GRID2: variants seen among roughly 807,000 people sequenced by gnomAD.
GRID2 encodes glutamate receptor ionotropic, delta-2.
In GRID2, 33 loss-of-function variants were observed where a neutral mutation model predicts 114.8. That is an observed-to-expected ratio of 0.29 (90% CI 0.22 to 0.38). The LOEUF is 0.38. Among genes scored for constraint, GRID2 ranks in the 10% least tolerant of loss-of-function variants. GRID2 has a pLI of 1.00. For missense variants in GRID2, 1,184 were observed against 1,257.7 expected (o/e 0.94, Z 0.89); for synonymous variants, 505 against 449.9 (o/e 1.12, Z -1.55).
chr4:93,800,579 G>A lies in GRID2; in HGVS notation c.222-6136G>A, dbSNP rs186458984. 2.7e-3 allele frequency among the ~76,000 whole-genome samples: 406 copies of A among 152,230 alleles called. 4 individuals are homozygous for A. The highest frequency in any genetic ancestry group is 0.024 in the Admixed American group (362 of 15,292). ...AGGCCCCCATTAAATGTCCCAGATA[G>A]CATTTTAATGGGTATCATGAATCCT... On this transcript the variant is annotated intron_variant, in intron 1 of 1. Coordinates refer to the GRID2 transcript ENST00000637838.
intron 2 of GRID2, among the ~76,000 whole-genome samples, chr4:92,675,612 A>G (rs6853672): frequency 0.065 from 9,658 of 149,678 alleles, 346 homozygotes; most frequent in East Asian, 0.17. Flanking sequence ...GTGCAGAGGC[A>G]CGATCTTGGC....
rs1561035232 is a variant in GRID2 at position 93,244,478 on chromosome 4, TATTATATAATCTATTAATTAATAG to T, written c.1245+6053_1245+6076del. The stretch of plus-strand genomic sequence containing the variant: ...ATGTACTGCTTCGCAAAGGATATTA[TATTATATAATCTATTAATTAATAG>T]ATTATATAATCTATTAATTAATAGA... On this transcript the variant is annotated intron_variant, in intron 8 of 15. Transcript: ENST00000282020. Among the ~76,000 whole-genome samples the T allele has an allele frequency of 9.0e-4, 123 of 136,192 alleles. 3 individuals are homozygous for T. Among genetic ancestry groups the T allele is most frequent in the Middle Eastern group, 3.8e-3 (1 of 266 alleles). 89.3% of individuals were successfully genotyped at this position (136,192 alleles called of 152,430 possible). A position where few individuals can be genotyped will look rare whatever the true frequency, so the allele number is the denominator to read the frequency against.
intron 12 of GRID2, among the ~76,000 whole-genome samples, chr4:93,508,757 A>G (rs1046988447): frequency 2.0e-5 from 3 of 152,210 alleles, no homozygotes; most frequent in Admixed American, 1.3e-4. Flanking sequence ...CCAGCAATCT[A>G]TATTCTAGTG....
intron 2 of GRID2, among the ~76,000 whole-genome samples, chr4:92,948,590 C>G (rs1050227289): frequency 1.3e-5 from 2 of 151,714 alleles, no homozygotes; most frequent in African/African-American, 4.8e-5. Flanking sequence ...ATAAATAGTT[C>G]TATGGATAAG....
chr4:93,625,240 C>T (rs539806734), intron 13 of GRID2, among the ~76,000 whole-genome samples: 16 of 152,302 alleles, frequency 1.1e-4, no homozygotes, highest in African/African-American at 3.8e-4. Context: ...CTTGTCATAA[C>T]CCCAAAGGCA....
intron 2 of GRID2, among the ~76,000 whole-genome samples, chr4:92,610,693 A>G (rs1729675689): frequency 6.6e-6 from 1 of 151,684 alleles, no homozygotes; most frequent in Admixed American, 6.6e-5. Context: ...GAACTTTTCC[A>G]TCACCCAACA....
At chr4:93,042,334 A>T (rs1725637627) in intron 2 of GRID2, among the ~76,000 whole-genome samples, 1 of 137,108 alleles carries the variant, frequency 7.3e-6, no homozygotes, top group South Asian at 2.3e-4. Flanking sequence ...TATTTAACAA[A>T]CCTGCACATT....
At chr4:92,545,282 A>T (rs1259431200) in intron 1 of GRID2, among the ~76,000 whole-genome samples, 1 of 152,180 alleles carries the variant, frequency 6.6e-6, no homozygotes, top group Non-Finnish European at 1.5e-5. Flanking sequence ...AGCACTGCAC[A>T]ATAGAGAAAA....
chr4:93,764,695 G>A (rs185630348), intron 14 of GRID2, among the ~76,000 whole-genome samples: 1 of 152,234 alleles, frequency 6.6e-6, no homozygotes. Context: ...GTTCATCACA[G>A]TCTAATAGCT....
intron 2 of GRID2, among the ~76,000 whole-genome samples, chr4:92,600,352 A>T (rs1397179270): frequency 4.6e-5 from 7 of 151,794 alleles, no homozygotes; most frequent in Non-Finnish European, 1.0e-4. Context: ...AATACACAAA[A>T]CAGAAAAGGT....
At position 92,316,591 on chromosome 4, in the gene GRID2, C is replaced by T. The variant is rs183288854; in HGVS notation, c.88+11847C>T. ...AAGAATACAGATCATTGAAACAAGA[C>T]ACGTTTCATATCCTTAGAACTTTCA... On this transcript the variant is annotated intron_variant, in intron 1 of 15. Coordinates refer to ENST00000282020, the MANE Select transcript of GRID2 (RefSeq NM_001510.4). Among the ~76,000 whole-genome samples the T allele has an allele frequency of 8.9e-4, 135 of 152,196 alleles. 1 individual carries two copies. Among genetic ancestry groups the T allele is most frequent in the Non-Finnish European group, 2.8e-4 (19 of 68,022 alleles).
At chr4:93,805,182 C>T (rs1229702551) in intron 1 of GRID2, among the ~76,000 whole-genome samples, 1 of 152,186 alleles carries the variant, frequency 6.6e-6, no homozygotes, top group Non-Finnish European at 1.5e-5. Context: ...TTATGTAGCA[C>T]CAGTTCTAAA....
At chr4:93,208,264 T>G (rs1047446630) in intron 5 of GRID2, among the ~76,000 whole-genome samples, 1 of 151,948 alleles carries the variant, frequency 6.6e-6, no homozygotes, top group African/African-American at 2.4e-5. Context: ...AGAATCCTGG[T>G]TTTATAGTCA....
intron 13 of GRID2, among the ~76,000 whole-genome samples, chr4:93,560,182 C>A (rs576782521): frequency 5.5e-5 from 6 of 109,672 alleles, no homozygotes; most frequent in African/African-American, 2.2e-4. Flanking sequence ...ACCTACGTAA[C>A]AAACCTGCAT....
At chr4:92,929,003 T>A (rs910120942) in intron 2 of GRID2, among the ~76,000 whole-genome samples, 30 of 151,652 alleles carry the variant, frequency 2.0e-4, no homozygotes, top group Admixed American at 1.9e-3. Flanking sequence ...AAGTAGGCAT[T>A]GAATTCAACA....
intron 2 of GRID2, among the ~76,000 whole-genome samples, chr4:92,737,344 A>G (rs1483057901): frequency 1.3e-5 from 2 of 152,234 alleles, no homozygotes; most frequent in East Asian, 3.9e-4. Flanking sequence ...TCTTATGATT[A>G]TGTGTATGCG....
chr4:93,363,236 T>C (rs1346969456), intron 8 of GRID2, among the ~76,000 whole-genome samples: 1 of 151,948 alleles, frequency 6.6e-6, no homozygotes, highest in Non-Finnish European at 1.5e-5. Flanking sequence ...AACAAAAATT[T>C]CTTACCTACT....
chr4:93,740,867 A>AT (rs397962079), intron 14 of GRID2, among the ~76,000 whole-genome samples: 13,310 of 138,102 alleles, frequency 0.096, 1,322 homozygotes, highest in African/African-American at 0.26. Flanking sequence ...TGGTTCTACT[A>AT]TTTTTTTTTT....
intron 2 of GRID2, among the ~76,000 whole-genome samples, chr4:92,777,112 A>G (rs1228175628): frequency 6.6e-6 from 1 of 151,748 alleles, no homozygotes; most frequent in Non-Finnish European, 1.5e-5. Flanking sequence ...CATCCGAGAT[A>G]CTAGAGAAGA....
Sources: allele counts gnomAD v4.1 joint callset (sites outside exome capture counted in the v4.1 genomes callset), GRCh38; gene constraint gnomAD v4.1.1; transcripts MANE v1.5; gene names NCBI Gene and HGNC (gene_info 2026-07-23, HGNC 2026-07-21).